The following ATL1 variants were observed in gnomAD, a reference collection of about 807,000 sequenced individuals.
ATL1 encodes the protein atlastin GTPase 1, also known as atlastin-1.
ATL1 carries 31 observed loss-of-function variants against 75.5 expected under a neutral mutation model. The ratio of observed to expected loss-of-function variants is 0.41; its 90% CI spans 0.31 to 0.55. The LOEUF is 0.55. Among genes scored for constraint, ATL1 ranks in the 20% least tolerant of loss-of-function variants. ATL1 has a pLI of 0.27. For missense variants in ATL1, 405 were observed against 662.6 expected (o/e 0.61, Z 4.27); for synonymous variants, 226 against 233.3 (o/e 0.97, Z 0.28).
intron 2 of ATL1, 69 bp downstream of exon 2, chr14:50,588,147 G>A (rs945703082): frequency 6.3e-7 from 1 of 1,593,292 alleles, no homozygotes; most frequent in African/African-American, 1.3e-5. Context: ...TTTATTTCAT[G>A]GTGTTCAAAA....
intron 6 of ATL1, among the ~76,000 whole-genome samples, chr14:50,595,854 T>G (rs1041412526): frequency 6.6e-6 from 1 of 151,328 alleles, no homozygotes; most frequent in African/African-American, 2.5e-5. Flanking sequence ...GAAAGATGAA[T>G]TAGGCATTCT....
chr14:50,584,102 C>A (rs906846938), intron 1 of ATL1, among the ~76,000 whole-genome samples: 1 of 152,164 alleles, frequency 6.6e-6, no homozygotes, highest in Non-Finnish European at 1.5e-5. Context: ...AGTCTGGGCA[C>A]CGTGGTTCAT....
intron 3 of ATL1, among the ~76,000 whole-genome samples, 170 bp downstream of exon 3, chr14:50,591,245 G>T (rs571422734): frequency 6.6e-6 from 1 of 152,292 alleles, no homozygotes; most frequent in South Asian, 2.1e-4. Flanking sequence ...TGTGATCAGA[G>T]TAGGCGAAAT....
intron 1 of ATL1, among the ~76,000 whole-genome samples, chr14:50,572,832 C>T (rs2038966327): frequency 6.6e-6 from 1 of 152,036 alleles, no homozygotes. Flanking sequence ...TTAGTCTATT[C>T]TCATGCTGTT....
chr14:50,609,163 T>C (rs1315740093), intron 6 of ATL1, among the ~76,000 whole-genome samples: 1 of 152,046 alleles, frequency 6.6e-6, no homozygotes, highest in African/African-American at 2.4e-5. Context: ...ATCCAAGGAA[T>C]ATTGTTCCCA....
At chr14:50,621,253 T>C (rs2039464453) in intron 9 of ATL1, among the ~76,000 whole-genome samples, 1 of 152,252 alleles carries the variant, frequency 6.6e-6, no homozygotes, top group South Asian at 2.1e-4. Context: ...AACCCGTATA[T>C]ATCCTGGAGA....
intron 1 of ATL1, among the ~76,000 whole-genome samples, chr14:50,564,158 A>C (rs915194967): frequency 6.6e-6 from 1 of 152,238 alleles, no homozygotes; most frequent in Non-Finnish European, 1.5e-5. Context: ...GGGACAGATA[A>C]GTATCAGAAA....
chr14:50,596,066 T>G (rs1483890630), intron 6 of ATL1, among the ~76,000 whole-genome samples: 1 of 152,192 alleles, frequency 6.6e-6, no homozygotes, highest in Non-Finnish European at 1.5e-5. Flanking sequence ...ATCAGGCACA[T>G]ACTAAGTGAA....
chr14:50,622,615 G>A (rs977965860), intron 10 of ATL1, among the ~76,000 whole-genome samples: 3 of 151,652 alleles, frequency 2.0e-5, no homozygotes, highest in African/African-American at 7.3e-5. Flanking sequence ...GCAGTGAGCC[G>A]AGATCGCGCC....
At chr14:50,553,747 T>C (rs139589487) in intron 1 of ATL1, among the ~76,000 whole-genome samples, 21 of 152,292 alleles carry the variant, frequency 1.4e-4, no homozygotes, top group African/African-American at 4.8e-4. Context: ...GTGGTATATA[T>C]ACACCATGGA....
chr14:50,597,177 C>G (rs1410827832), intron 6 of ATL1, among the ~76,000 whole-genome samples: 1 of 139,410 alleles, frequency 7.2e-6, no homozygotes. Flanking sequence ...CCATTGCACT[C>G]TAGCCTGGGC....
At chr14:50,553,060 T>G (rs2038722579) in intron 1 of ATL1, among the ~76,000 whole-genome samples, 1 of 152,004 alleles carries the variant, frequency 6.6e-6, no homozygotes, top group Admixed American at 6.6e-5. Flanking sequence ...TTTGGGAGGC[T>G]GAGGCGGGTA....
At chr14:50,539,334 T>C (rs2038533082) in intron 1 of ATL1, among the ~76,000 whole-genome samples, 1 of 152,244 alleles carries the variant, frequency 6.6e-6, no homozygotes, top group African/African-American at 2.4e-5. Flanking sequence ...ATTTGGCTCT[T>C]CTGACTGCTT....
At chr14:50,617,951 C>T (rs931078033) in intron 8 of ATL1, among the ~76,000 whole-genome samples, 2 of 152,164 alleles carry the variant, frequency 1.3e-5, no homozygotes, top group Admixed American at 1.3e-4. Context: ...CCAATGAGAA[C>T]AAAGAGGGCT....
intron 1 of ATL1, among the ~76,000 whole-genome samples, chr14:50,538,352 G>T (rs1001221425): frequency 6.6e-6 from 1 of 152,140 alleles, no homozygotes; most frequent in Non-Finnish European, 1.5e-5. Flanking sequence ...TCTTGGGTAC[G>T]TCTTTATCAG....
chr14:50,576,211 C>T (rs971125813), intron 1 of ATL1, among the ~76,000 whole-genome samples: 14 of 152,090 alleles, frequency 9.2e-5, no homozygotes, highest in African/African-American at 3.4e-4. Context: ...TGTAGGCTAA[C>T]GTGTTTTGAG....
Position 50,590,934 on chromosome 14 carries a change from T to G in ATL1, c.283-7T>G, listed in dbSNP as rs2039150162. ...AGTTCCATATCATAGACTTTATCAT[T>G]TTATAGGAATCAGTTGATTGGGTTG... On this transcript the variant is annotated splice_polypyrimidine_tract_variant and splice_region_variant and intron_variant, in intron 2 of 13. Transcript: ENST00000358385. 6.2e-7 allele frequency: 1 copy of G among 1,613,276 alleles called. No homozygotes were observed.
intron 6 of ATL1, among the ~76,000 whole-genome samples, chr14:50,603,546 T>C (rs752939686): frequency 2.6e-5 from 4 of 152,196 alleles, no homozygotes; most frequent in Non-Finnish European, 4.4e-5. Flanking sequence ...CCATTTCTTA[T>C]TCAAATTGGG....
At position 50,613,820 on chromosome 14, in the gene ATL1, C is replaced by A. The variant is rs376603226; in HGVS notation, c.723+469C>A. On this transcript the variant is annotated intron_variant, in intron 7 of 13. Coordinates refer to ENST00000358385, the MANE Select transcript of ATL1 (RefSeq NM_015915.5). ...AAAAATGTTCCTTGAAAATTGGGAT[C>A]TCTGAACTTATTAGGTTTACAGTCA... is the stretch of plus-strand genomic sequence containing the variant. 7.2e-5 allele frequency among the ~76,000 whole-genome samples: 11 copies of A among 152,228 alleles called. No homozygotes were observed. The East Asian group carries it at 7.7e-4, about 11-fold the overall frequency.
Sources: gnomAD v4.1 joint callset for allele counts (sites outside exome capture counted in the v4.1 genomes callset) on GRCh38, gnomAD v4.1.1 for gene constraint, MANE v1.5 for transcripts, NCBI Gene and HGNC (gene_info 2026-07-23, HGNC 2026-07-21) for gene names.